Variants in PRSS12 observed in about 807,000 individuals in gnomAD.
The protein encoded by PRSS12 is serine protease 12, also known as neurotrypsin.
A neutral mutation model predicts 104.4 loss-of-function variants in PRSS12; 85 were observed. That is an observed-to-expected ratio of 0.81 (90% CI 0.68 to 0.98). PRSS12 has a LOEUF of 0.98. Ranked by LOEUF, PRSS12 falls within the 50% of genes least tolerant of loss-of-function variation. PRSS12 has a pLI of 0.00. For synonymous variants in PRSS12, 454 were observed against 425.2 expected (o/e 1.07, Z -0.83); for missense variants, 1,141 against 1,139.2 (o/e 1.00, Z -0.02).
chr4:118,323,423 A>G (rs1474039956), intron 4 of PRSS12, among the ~76,000 whole-genome samples: 1 of 151,926 alleles, frequency 6.6e-6, no homozygotes, highest in Non-Finnish European at 1.5e-5. Flanking sequence ...AGTGATAACA[A>G]AAAGATGAAA....
chr4:118,334,853 A>C (rs1253186141), intron 3 of PRSS12, among the ~76,000 whole-genome samples: 5 of 152,176 alleles, frequency 3.3e-5, no homozygotes, highest in African/African-American at 1.2e-4. Flanking sequence ...AAAATACACC[A>C]TGGTACCCAG....
chr4:118,319,774 C>T (rs1394566255), intron 4 of PRSS12, among the ~76,000 whole-genome samples: 1 of 152,102 alleles, frequency 6.6e-6, no homozygotes, highest in Non-Finnish European at 1.5e-5. Context: ...ACCTCCTGGG[C>T]TCCAGTGATC....
chr4:118,286,868 C>A (rs552832090), intron 11 of PRSS12, among the ~76,000 whole-genome samples: 1 of 152,114 alleles, frequency 6.6e-6, no homozygotes, highest in Non-Finnish European at 1.5e-5. Flanking sequence ...ATAACTCCTG[C>A]CCGTACATGC....
rs7670243 is a variant in PRSS12 at position 118,308,856 on chromosome 4, T to C, written c.1490-279A>G. Reference sequence around the variant, plus strand: ...GGATATGCAATTGCTGTTTGTTGAATGAATGAACAGCATTATAAAACTGTG... The same window carrying C: ...GGATATGCAATTGCTGTTTGTTGAACGAATGAACAGCATTATAAAACTGTG... On this transcript the variant is annotated intron_variant, in intron 7 of 12. Coordinates refer to ENST00000296498, the MANE Select transcript of PRSS12 (RefSeq NM_003619.4). Among the ~76,000 whole-genome samples, 1,079 of 152,306 alleles carry C rather than the reference T, an allele frequency of 7.1e-3. 17 individuals are homozygous for C. Among genetic ancestry groups the C allele is most frequent in the African/African-American group, 0.024 (989 of 41,578 alleles).
Position 118,282,091 on chromosome 4 carries a change from T to C in PRSS12, c.2473A>G (p.Ser825Gly), listed in dbSNP as rs1742886569. The C allele has an allele frequency of 6.2e-7, 1 of 1,614,238 alleles. No individual in the cohort carries two copies. Among genetic ancestry groups the C allele is most frequent in the South Asian group, 1.1e-5 (1 of 91,086 alleles). ...CGTTCACACATGAGTGGTCCTCCGCTGTCTCCCTGGCAGCTGTCCACGCGT... is the reference window on the plus strand; with the variant it reads ...CGTTCACACATGAGTGGTCCTCCGCCGTCTCCCTGGCAGCTGTCCACGCGT... ...HKRVDSCQGD[S>G]GGPLMCERPG... Residue 825 changes from serine to glycine, a missense_variant, in exon 13 of 13, where the codon AGC (serine) becomes GGC (glycine). Transcript: ENST00000296498.
intron 11 of PRSS12, among the ~76,000 whole-genome samples, chr4:118,293,747 G>A (rs547794777): frequency 6.6e-6 from 1 of 151,390 alleles, no homozygotes; most frequent in African/African-American, 2.4e-5. Context: ...TTTAGGTGGA[G>A]TGGTGAGGAA....
rs752805316 is a variant in PRSS12 at position 118,282,926 on chromosome 4, A to C, written c.2225T>G (p.Phe742Cys). The change falls in exon 12 of 13, where the codon TTC (phenylalanine) becomes TGC (cysteine). Residue 742 changes from phenylalanine to cysteine, a missense_variant. By Grantham distance (205) the Phe-to-Cys change is radical. Coordinates refer to ENST00000296498, the MANE Select transcript of PRSS12 (RefSeq NM_003619.4). ...ACAGGCTGGCAAAACATGGCTGCTG[A>C]ATCTGGCACATTGCTCTTCTGGTCC... ...LQGPEEQCAR[F>C]SSHVLPACLP... 2 of 1,614,122 alleles carry C rather than the reference A, an allele frequency of 1.2e-6. No individual in the cohort carries two copies. Among genetic ancestry groups the C allele is most frequent in the East Asian group, 2.2e-5 (1 of 44,874 alleles).
intron 11 of PRSS12, among the ~76,000 whole-genome samples, chr4:118,293,807 G>C (rs1481231422): frequency 2.0e-5 from 3 of 152,142 alleles, no homozygotes; most frequent in African/African-American, 7.2e-5. Flanking sequence ...TTTCTTCAAA[G>C]GATAAATTGG....
intron 4 of PRSS12, among the ~76,000 whole-genome samples, chr4:118,318,761 G>A (rs1478626433): frequency 6.6e-6 from 1 of 152,058 alleles, no homozygotes. Context: ...TTCAAAGTTA[G>A]GTACTGCCCA....
intron 3 of PRSS12, among the ~76,000 whole-genome samples, chr4:118,332,740 T>A (rs1723960672): frequency 6.6e-6 from 1 of 152,168 alleles, no homozygotes; most frequent in Non-Finnish European, 1.5e-5. Flanking sequence ...AATAATTATT[T>A]ATTGACTGCC....
At chr4:118,312,470 CATAT>C (rs57876314) in intron 7 of PRSS12, among the ~76,000 whole-genome samples, 5,592 of 151,974 alleles carry the variant, frequency 0.037, 155 homozygotes, top group African/African-American at 0.077. Context: ...ATTTTTCATT[CATAT>C]ATATTCTGCC....
intron 1 of PRSS12, among the ~76,000 whole-genome samples, chr4:118,347,528 T>C: frequency 6.6e-6 from 1 of 152,194 alleles, no homozygotes; most frequent in East Asian, 1.9e-4. Context: ...GTTTTACCTC[T>C]CAATCATCAG....
chr4:118,341,962 G>C (rs533498189), intron 1 of PRSS12, among the ~76,000 whole-genome samples: 1 of 152,108 alleles, frequency 6.6e-6, no homozygotes, highest in Non-Finnish European at 1.5e-5. Flanking sequence ...ACCAAATCTT[G>C]TATGGAAATA....
chr4:118,321,634 C>A (rs950947882), intron 4 of PRSS12, among the ~76,000 whole-genome samples: 9 of 152,144 alleles, frequency 5.9e-5, no homozygotes, highest in African/African-American at 2.2e-4. Flanking sequence ...GGAATCCCCA[C>A]GTACCCCTGA....
At chr4:118,311,526 T>C (rs986827404) in intron 7 of PRSS12, among the ~76,000 whole-genome samples, 1 of 152,150 alleles carries the variant, frequency 6.6e-6, no homozygotes, top group African/African-American at 2.4e-5. Flanking sequence ...CTTTTAAATA[T>C]ATAGTAGTTT....
intron 2 of PRSS12, among the ~76,000 whole-genome samples, chr4:118,337,100 C>T (rs1404175965): frequency 6.6e-6 from 1 of 152,172 alleles, no homozygotes; most frequent in Non-Finnish European, 1.5e-5. Flanking sequence ...GGCCTTCAAG[C>T]TTTGCTTTTA....
At chr4:118,288,054 G>A (rs1458485476) in intron 11 of PRSS12, among the ~76,000 whole-genome samples, 1 of 152,184 alleles carries the variant, frequency 6.6e-6, no homozygotes, top group East Asian at 1.9e-4. Context: ...ATTAAAAGTA[G>A]AATTAATTCA....
intron 8 of PRSS12, among the ~76,000 whole-genome samples, chr4:118,301,989 C>T (rs1743415922): frequency 6.6e-6 from 1 of 152,082 alleles, no homozygotes; most frequent in Non-Finnish European, 1.5e-5. Context: ...GGCAGGCACT[C>T]TTTTGTTCCT....
chr4:118,323,427 G>A (rs899135703), intron 4 of PRSS12, among the ~76,000 whole-genome samples: 5 of 150,326 alleles, frequency 3.3e-5, no homozygotes, highest in African/African-American at 1.2e-4. Flanking sequence ...ATAACAAAAA[G>A]ATGAAATCCA....
Sources: allele counts gnomAD v4.1 joint callset (sites outside exome capture counted in the v4.1 genomes callset), GRCh38; gene constraint gnomAD v4.1.1; transcripts MANE v1.5; gene names NCBI Gene and HGNC (gene_info 2026-07-23, HGNC 2026-07-21).